SUGCT: variants seen among roughly 807,000 people sequenced by gnomAD.
The protein encoded by SUGCT is succinyl-CoA:glutarate-CoA transferase.
In SUGCT, 41 loss-of-function variants were observed where a neutral mutation model predicts 55.0. The ratio of observed to expected loss-of-function variants is 0.74; its 90% CI spans 0.58 to 0.97. The LOEUF (loss-of-function observed/expected upper bound fraction) is 0.97. Among genes scored for constraint, SUGCT ranks in the 50% least tolerant of loss-of-function variants. The pLI, the probability that SUGCT is intolerant of heterozygous loss-of-function variation, is 0.00. For synonymous variants in SUGCT, 187 were observed against 200.4 expected, an observed-to-expected ratio of 0.93 and a Z score of 0.56; for missense variants, 568 against 547.8, an observed-to-expected ratio of 1.04 and a Z score of -0.37.
the SUGCT span, among the ~76,000 whole-genome samples, chr7:41,022,870 CATAAAT>C: frequency 1.3e-5 from 2 of 152,102 alleles, no homozygotes; most frequent in African/African-American, 2.4e-5. Context: ...CAGTATTTGT[CATAAAT>C]ATAAATATAA....
At chr7:40,407,580 T>C (rs1320725741) in intron 9 of SUGCT, among the ~76,000 whole-genome samples, 1 of 152,078 alleles carries the variant, frequency 6.6e-6, no homozygotes, top group African/African-American at 2.4e-5. Flanking sequence ...AGAGTATTGT[T>C]CTGTTCAGTG....
At chr7:40,428,522 CTGTGTGTGTGTG>C (rs56017526) in intron 9 of SUGCT, among the ~76,000 whole-genome samples, 6 of 149,250 alleles carry the variant, frequency 4.0e-5, no homozygotes, top group East Asian at 3.9e-4. Context: ...TCTGTCTCTG[CTGTGTGTGTGTG>C]TGTGTGTGTG....
chr7:40,291,808 G>A (rs999862651), intron 8 of SUGCT, among the ~76,000 whole-genome samples: 1 of 152,090 alleles, frequency 6.6e-6, no homozygotes, highest in Non-Finnish European at 1.5e-5. Context: ...GAGTCTTATA[G>A]TTTGCGATGT....
rs1005168000 is a variant in SUGCT at position 40,584,563 on chromosome 7, G to A, written c.1089+88177G>A. ...TGCATAGTGATCTACAGATTGCAAA[G>A]TGTTTTCCCAGCCATTATCTCATTT... is the stretch of plus-strand genomic sequence containing the variant. On this transcript the variant is annotated intron_variant, in intron 12 of 13. Coordinates refer to ENST00000335693, the MANE Select transcript of SUGCT (RefSeq NM_001193313.2). 1.4e-4 allele frequency among the ~76,000 whole-genome samples: 21 copies of A among 152,154 alleles called. 1 individual carries two copies. Among genetic ancestry groups the A allele is most frequent in the Non-Finnish European group, 2.9e-4 (20 of 68,024 alleles).
chr7:40,748,139 C>T (rs191632656), intron 12 of SUGCT, among the ~76,000 whole-genome samples: 5 of 152,084 alleles, frequency 3.3e-5, no homozygotes, highest in East Asian at 1.9e-4. Context: ...ATACCTATCT[C>T]GGTCCCATTG....
chr7:40,896,619 A>C, the SUGCT span, among the ~76,000 whole-genome samples: 1 of 152,104 alleles, frequency 6.6e-6, no homozygotes, highest in South Asian at 2.1e-4. Context: ...TGTTGCCACT[A>C]TGTGAAGAAG....
In SUGCT at chr7:40,189,781, A is replaced by G. The variant is rs570267821; in HGVS notation, c.363+187A>G. Among the ~76,000 whole-genome samples the G allele has an allele frequency of 5.9e-5, 9 of 152,154 alleles. No individual in the cohort carries two copies. The South Asian group carries it at 1.7e-3, about 28-fold the overall frequency. ...GTGATGTGCTTTAAATTTTTTGTATATTGTGTATCATTATGGTGCTAGCTA... is the reference window on the plus strand; with the variant it reads ...GTGATGTGCTTTAAATTTTTTGTATGTTGTGTATCATTATGGTGCTAGCTA... On this transcript the variant is annotated intron_variant, in intron 5 of 13. Transcript: ENST00000335693.
chr7:40,314,710 A>G (rs1172614557), intron 8 of SUGCT, among the ~76,000 whole-genome samples: 1 of 151,948 alleles, frequency 6.6e-6, no homozygotes, highest in Non-Finnish European at 1.5e-5. Flanking sequence ...GATTACAGGC[A>G]TGTGCCACCA....
intron 9 of SUGCT, among the ~76,000 whole-genome samples, chr7:40,439,062 G>GTATATATATATA (rs1491138302): frequency 1.5e-4 from 7 of 47,030 alleles, no homozygotes; most frequent in African/African-American, 4.4e-4. Flanking sequence ...TATATATATG[G>GTATATATATATA]TGTATATATA....
intron 13 of SUGCT, among the ~76,000 whole-genome samples, chr7:40,858,663 T>C (rs57704867): frequency 5.9e-5 from 9 of 152,170 alleles, no homozygotes; most frequent in Non-Finnish European, 1.0e-4. Context: ...CACATTATTG[T>C]CATTCTTGGG....
At chr7:40,548,186 C>CTTTTTTTTTTTTTTTTTTTTTTTTTT (rs1186226631) in intron 12 of SUGCT, among the ~76,000 whole-genome samples, 15 of 105,006 alleles carry the variant, frequency 1.4e-4, no homozygotes, top group African/African-American at 2.3e-4. Flanking sequence ...TTCTTTCTTT[C>CTTTTTTTTTTTTTTTTTTTTTTTTTT]TTTTTTTTTT....
At chr7:40,399,321 G>T (rs1785931170) in intron 9 of SUGCT, among the ~76,000 whole-genome samples, 1 of 152,100 alleles carries the variant, frequency 6.6e-6, no homozygotes, top group Admixed American at 6.5e-5. Context: ...AGGATTTAAG[G>T]TATTAAAAAA....
chr7:40,176,702 G>T (rs1881683), intron 1 of SUGCT, among the ~76,000 whole-genome samples: 58,602 of 151,502 alleles, frequency 0.39, 12,739 homozygotes, highest in Middle Eastern at 0.59. Context: ...GCCAGGCACG[G>T]TGCCTCATGC....
rs182031939 is a variant in SUGCT at position 40,675,821 on chromosome 7, A to G, written c.1090-73613A>G. On this transcript the variant is annotated intron_variant, in intron 12 of 13. Transcript: ENST00000335693. Reference sequence around the variant, plus strand: ...CTGCTGGGAGATGGGGCTGGAAAGCAAGGAAGGGGTAAGTGACACAATTCA... The same window carrying G: ...CTGCTGGGAGATGGGGCTGGAAAGCGAGGAAGGGGTAAGTGACACAATTCA... Among the ~76,000 whole-genome samples, 400 of 152,300 alleles carry G rather than the reference A, an allele frequency of 2.6e-3. 2 individuals are homozygous for G. The highest frequency in any genetic ancestry group is 9.1e-3 in the African/African-American group (378 of 41,582).
At chr7:40,367,041 T>C (rs1784019036) in intron 9 of SUGCT, among the ~76,000 whole-genome samples, 1 of 152,018 alleles carries the variant, frequency 6.6e-6, no homozygotes, top group African/African-American at 2.4e-5. Context: ...ATAGACTGGT[T>C]TAAGAAAATG....
At chr7:40,973,873 C>T in the SUGCT span, among the ~76,000 whole-genome samples, 11 of 152,216 alleles carry the variant, frequency 7.2e-5, no homozygotes, top group African/African-American at 2.7e-4. Context: ...TAGAGCTCCT[C>T]TCTCTTTCAT....
At chr7:40,296,612 CGTGTGTGTGTGT>C (rs10528858) in intron 8 of SUGCT, among the ~76,000 whole-genome samples, 4,127 of 144,776 alleles carry the variant, frequency 0.029, 87 homozygotes, top group Non-Finnish European at 0.04. Context: ...GTGAGTGACT[CGTGTGTGTGTGT>C]GTGTGTGTGT....
chr7:40,538,295 T>C (rs919295487), intron 12 of SUGCT: 8 of 152,188 alleles, frequency 5.3e-5, no homozygotes, highest in African/African-American at 1.9e-4. Flanking sequence ...TTTGAAACTA[T>C]GTTAGAGAGC....
At chr7:40,845,647 A>T (rs571469053) in intron 13 of SUGCT, among the ~76,000 whole-genome samples, 180 of 152,266 alleles carry the variant, frequency 1.2e-3, no homozygotes, top group African/African-American at 3.7e-3. Context: ...GAGAGAAAGG[A>T]CTTTCTCCTA....
Sources: gnomAD v4.1 joint callset for allele counts (sites outside exome capture counted in the v4.1 genomes callset) on GRCh38, gnomAD v4.1.1 for gene constraint, MANE v1.5 for transcripts, NCBI Gene and HGNC (gene_info 2026-07-23, HGNC 2026-07-21) for gene names.